CKMT2: variants seen among roughly 807,000 people sequenced by gnomAD.
CKMT2 encodes creatine kinase S-type, mitochondrial.
In CKMT2, 43 loss-of-function variants were observed where a neutral mutation model predicts 48.9. That is an observed-to-expected ratio of 0.88 (90% confidence interval 0.69 to 1.13). The LOEUF (loss-of-function observed/expected upper bound fraction) is 1.13. Ranked by LOEUF, CKMT2 falls within the 50% of genes most tolerant of loss-of-function variation. The pLI is 0.00. For synonymous variants in CKMT2, 206 were observed against 213.0 expected, an observed-to-expected ratio of 0.97 and a Z score of 0.29; for missense variants, 472 against 555.4, an observed-to-expected ratio of 0.85 and a Z score of 1.51.
chr5:81,249,863 C>A (rs1756744030), intron 1 of CKMT2, among the ~76,000 whole-genome samples: 1 of 152,142 alleles, frequency 6.6e-6, no homozygotes, highest in Non-Finnish European at 1.5e-5. Flanking sequence ...GCTCGTTTGT[C>A]ATTTCTTTGT....
In CKMT2 at chr5:81,249,147, T is replaced by G. The variant is rs148148563; in HGVS notation, c.-20-1966T>G. On this transcript the variant is annotated intron_variant, in intron 1 of 9. Coordinates refer to ENST00000254035, the MANE Select transcript of CKMT2 (RefSeq NM_001099735.2). Reference sequence around the variant, plus strand: ...CACTACAACCTCCACCTCCTGGGTTTAAGTGATTCTCATGCCTTAGCCTCC... The same window carrying G: ...CACTACAACCTCCACCTCCTGGGTTGAAGTGATTCTCATGCCTTAGCCTCC... 2.7e-4 allele frequency among the ~76,000 whole-genome samples: 41 copies of G among 152,090 alleles called. No homozygotes were observed. The East Asian group carries it at 7.6e-3, about 28-fold the overall frequency.
intron 5 of CKMT2, 53 bp downstream of exon 5, chr5:81,255,267 C>T (rs1055817066): frequency 6.1e-5 from 93 of 1,530,354 alleles, no homozygotes; most frequent in Non-Finnish European, 7.9e-5. Context: ...GGCTCTGACC[C>T]GCACAGGAAG....
At position 81,255,152 on chromosome 5, in the gene CKMT2, C is replaced by G. The variant is rs746196153; in HGVS notation, c.607C>G (p.Leu203Val). 2 of 1,614,130 alleles carry G rather than the reference C, an allele frequency of 1.2e-6. No individual in the cohort carries two copies. The highest frequency in any genetic ancestry group is 2.2e-5 in the East Asian group (1 of 44,868). ...ITALEGLKGD[L>V]AGRYYKLSEM... ...TGCCCTGGAGGGCCTCAAGGGGGAC[C>G]TGGCTGGCCGCTACTACAAGCTGTC... The change falls in exon 5 of 10, where the codon CTG (leucine) becomes GTG (valine). Residue 203 changes from leucine (L) to valine (V), a missense_variant. Transcript: ENST00000254035.
intron 1 of CKMT2, among the ~76,000 whole-genome samples, chr5:81,234,310 T>G (rs1756190450): frequency 6.6e-6 from 1 of 152,160 alleles, no homozygotes; most frequent in East Asian, 1.9e-4. Flanking sequence ...CTGAGTCAAG[T>G]GAGGGGCAGT....
At chr5:81,248,513 T>C (rs1388182139) in intron 1 of CKMT2, among the ~76,000 whole-genome samples, 1 of 152,162 alleles carries the variant, frequency 6.6e-6, no homozygotes, top group African/African-American at 2.4e-5. Flanking sequence ...TGCAGCTCAC[T>C]GAAGAGCCGT....
chr5:81,257,123 G>A (rs1757037729), intron 6 of CKMT2, 123 bp downstream of exon 6: 1 of 659,092 alleles, frequency 1.5e-6, no homozygotes, highest in Non-Finnish European at 2.6e-6. Flanking sequence ...GAGCTAAATG[G>A]AAAAAGACTA....
chr5:81,257,398 T>C (rs889308680), intron 6 of CKMT2, among the ~76,000 whole-genome samples: 3 of 152,094 alleles, frequency 2.0e-5, no homozygotes, highest in African/African-American at 4.8e-5. Flanking sequence ...AAGATTTTGG[T>C]TGAATCTTTT....
chr5:81,244,068 C>T (rs921005711), intron 1 of CKMT2: 12 of 985,266 alleles, frequency 1.2e-5, no homozygotes, highest in East Asian at 2.3e-4. Flanking sequence ...CCCTTTGTCC[C>T]GTTTCACACT....
intron 5 of CKMT2, 132 bp downstream of exon 5, chr5:81,255,346 G>C: frequency 1.4e-6 from 1 of 734,254 alleles, no homozygotes. Context: ...CCTGAGCTCA[G>C]CCCAAGAGCA....
chr5:81,242,591 T>C, intron 1 of CKMT2: 2 of 346,916 alleles, frequency 5.8e-6, no homozygotes, highest in South Asian at 3.0e-5. Flanking sequence ...AAAGATGGGG[T>C]TGGTTCTGGT....
chr5:81,266,326 A>G lies in CKMT2; in HGVS notation c.*68A>G. On this transcript the variant is annotated 3_prime_UTR_variant, in exon 10 of 10. Transcript: ENST00000254035. The stretch of plus-strand genomic sequence containing the variant: ...GACAGACATAAATCTCTACTCTGAG[A>G]GTTTTTATACACTTGGAAAAATATA... The G allele has an allele frequency of 6.7e-7, 1 of 1,484,596 alleles. No individual in the cohort carries two copies. Among genetic ancestry groups the G allele is most frequent in the Non-Finnish European group, 9.3e-7 (1 of 1,075,828 alleles). The allele number at this position is 1,484,596 out of a possible 1,614,324, so 92.0% of individuals were successfully genotyped here.
chr5:81,251,581 C>T (rs549949512), intron 2 of CKMT2, among the ~76,000 whole-genome samples: 48 of 152,094 alleles, frequency 3.2e-4, no homozygotes, highest in African/African-American at 1.1e-3. Flanking sequence ...AGCAAGACTC[C>T]GTCTCAAAAC....
intron 3 of CKMT2, 90 bp downstream of exon 3, chr5:81,252,983 G>A (rs1756875442): frequency 1.4e-6 from 2 of 1,407,114 alleles, no homozygotes; most frequent in Non-Finnish European, 2.0e-6. Flanking sequence ...CTTCTCTATG[G>A]GGCCAACTTT....
intron 1 of CKMT2, 121 bp from the exon 2 acceptor site, chr5:81,250,992 G>GAC: frequency 3.3e-6 from 2 of 597,868 alleles, no homozygotes; most frequent in Non-Finnish European, 5.7e-6. Flanking sequence ...AAGAGAGAGA[G>GAC]AGAGACAGAG....
intron 1 of CKMT2, 92 bp from the exon 2 acceptor site, chr5:81,251,021 A>C: frequency 9.5e-6 from 8 of 841,386 alleles, no homozygotes; most frequent in East Asian, 2.6e-5. Context: ...AAGAGAGGCT[A>C]TGGCTCCTGC....
intron 2 of CKMT2, among the ~76,000 whole-genome samples, chr5:81,251,657 G>A (rs1401779885): frequency 1.3e-5 from 2 of 152,160 alleles, no homozygotes; most frequent in Non-Finnish European, 2.9e-5. Flanking sequence ...GCTTTCCCCT[G>A]CTGGAAACTG....
At chr5:81,253,565 C>G (rs1202240156) in intron 3 of CKMT2, among the ~76,000 whole-genome samples, 2 of 152,174 alleles carry the variant, frequency 1.3e-5, no homozygotes, top group Non-Finnish European at 2.9e-5. Flanking sequence ...TTGGGTTCTT[C>G]TGTTGCAGGG....
chr5:81,260,502 A>G (rs2112822749), intron 8 of CKMT2, among the ~76,000 whole-genome samples: 1 of 152,358 alleles, frequency 6.6e-6, no homozygotes, highest in African/African-American at 2.4e-5. Context: ...AGAAGAATCA[A>G]ACAGACACAA....
intron 5 of CKMT2, among the ~76,000 whole-genome samples, chr5:81,255,468 C>T (rs925464221): frequency 6.6e-6 from 1 of 152,178 alleles, no homozygotes; most frequent in Non-Finnish European, 1.5e-5. Flanking sequence ...GGAGATGGTG[C>T]CTGCGGTTAG....
Sources: gnomAD v4.1 joint callset for allele counts (sites outside exome capture counted in the v4.1 genomes callset) on GRCh38, gnomAD v4.1.1 for gene constraint, MANE v1.5 for transcripts, NCBI Gene and HGNC (gene_info 2026-07-23, HGNC 2026-07-21) for gene names.